Variants in OTOGL observed in about 807,000 individuals in gnomAD.
OTOGL encodes the protein otogelin-like protein.
OTOGL carries 285 observed loss-of-function variants against 318.5 expected under a neutral mutation model. The ratio of observed to expected loss-of-function variants is 0.89; its 90% CI spans 0.81 to 0.99. The LOEUF (loss-of-function observed/expected upper bound fraction) is 0.99. OTOGL is among the 50% of genes least tolerant of loss of function. The pLI, the probability that OTOGL is intolerant of heterozygous loss-of-function variation, is 0.00. For synonymous variants in OTOGL, 987 were observed against 936.5 expected (o/e 1.05, Z -0.99); for missense variants, 2,899 against 2,845.6 (o/e 1.02, Z -0.43).
intron 24 of OTOGL, among the ~76,000 whole-genome samples, chr12:80,277,395 C>T (rs1039415514): frequency 6.8e-6 from 1 of 146,914 alleles, no homozygotes; most frequent in Non-Finnish European, 1.5e-5. Context: ...ATCTTCATAT[C>T]AAATATTTAG....
rs375413419 is a variant in OTOGL at position 80,133,105 on chromosome 12, ACTT to A, written c.-20+33507_-20+33509del. On this transcript the variant is annotated intron_variant, in intron 1 of 58. Coordinates refer to ENST00000547103, the MANE Select transcript of OTOGL (RefSeq NM_001378609.3). ...TTAATTGCCAAGATTAGGTCTAGTT[ACTT>A]CTTCTTGTTATCTTTAAGGAAAACA... Among the ~76,000 whole-genome samples the A allele has an allele frequency of 6.4e-3, 976 of 152,316 alleles. 14 individuals are homozygous for A. Among genetic ancestry groups the A allele is most frequent in the African/African-American group, 0.021 (858 of 41,560 alleles).
At chr12:80,349,646 A>G (rs1479202546) in intron 44 of OTOGL, among the ~76,000 whole-genome samples, 1 of 152,174 alleles carries the variant, frequency 6.6e-6, no homozygotes, top group African/African-American at 2.4e-5. Flanking sequence ...TAGAATATCA[A>G]TTTCATTGCA....
At chr12:80,357,015 C>A in intron 49 of OTOGL, 101 bp downstream of exon 49, 1 of 598,202 alleles carries the variant, frequency 1.7e-6, no homozygotes, top group Non-Finnish European at 2.7e-6. Flanking sequence ...AAGCAATATT[C>A]TGATGTTATA....
At chr12:80,135,280 C>CTCCCCTCCCCTCCCCTTCCT (rs1871491686) in intron 1 of OTOGL, among the ~76,000 whole-genome samples, 1 of 135,850 alleles carries the variant, frequency 7.4e-6, no homozygotes, top group Non-Finnish European at 1.6e-5. Flanking sequence ...CTCCCCTCCC[C>CTCCCCTCCCCTCCCCTTCCT]TTCCCTTCCC....
chr12:80,374,053 A>G (rs1262389719), intron 57 of OTOGL, among the ~76,000 whole-genome samples: 2 of 152,188 alleles, frequency 1.3e-5, no homozygotes, highest in Non-Finnish European at 2.9e-5. Flanking sequence ...TTGTTATGAT[A>G]TTAGTTTGCA....
intron 12 of OTOGL, 25 bp downstream of exon 12, chr12:80,251,824 C>A: frequency 1.3e-6 from 2 of 1,542,220 alleles, no homozygotes; most frequent in Non-Finnish European, 1.8e-6. Flanking sequence ...TTTCCAAGCC[C>A]TGTGTACTTT....
intron 1 of OTOGL, among the ~76,000 whole-genome samples, chr12:80,159,012 T>C (rs933817143): frequency 3.9e-4 from 59 of 152,178 alleles, no homozygotes; most frequent in Non-Finnish European, 1.0e-4. Flanking sequence ...GTCTCTTTTA[T>C]GCTGATTTTG....
chr12:80,335,441 CTTAT>C (rs1029244244), intron 38 of OTOGL, among the ~76,000 whole-genome samples: 3 of 151,952 alleles, frequency 2.0e-5, no homozygotes, highest in African/African-American at 4.8e-5. Context: ...AAATCTACCA[CTTAT>C]TTATTTATTA....
At chr12:80,268,078 A>C (rs1467777316) in intron 22 of OTOGL, among the ~76,000 whole-genome samples, 1 of 152,120 alleles carries the variant, frequency 6.6e-6, no homozygotes, top group Non-Finnish European at 1.5e-5. Flanking sequence ...TAATCATAGG[A>C]TAACACTCAT....
Position 80,328,319 on chromosome 12 carries a change from AAACAACAAC to A in OTOGL, c.4200-320_4200-312del, listed in dbSNP as rs3045899. ...GGGTGACAGAGTGAGACCCTGTCAC[AAACAACAAC>A]AACAACAACAACAACAACAACAACA... is the stretch of plus-strand genomic sequence containing the variant. On this transcript the variant is annotated intron_variant, in intron 35 of 58. Transcript: ENST00000547103. Among the ~76,000 whole-genome samples the A allele has an allele frequency of 1.0e-4, 15 of 148,860 alleles. No homozygotes were observed. In the South Asian group the frequency reaches 1.1e-3, roughly 11 times the overall value.
At chr12:80,215,166 C>CT (rs34875604) in intron 4 of OTOGL, among the ~76,000 whole-genome samples, 4,035 of 129,014 alleles carry the variant, frequency 0.031, 171 homozygotes, top group African/African-American at 0.094. Flanking sequence ...GTTTACAAGT[C>CT]TTTTTTTTTT....
At chr12:80,145,552 G>A (rs930300368) in intron 1 of OTOGL, among the ~76,000 whole-genome samples, 2 of 151,506 alleles carry the variant, frequency 1.3e-5, no homozygotes, top group African/African-American at 4.9e-5. Flanking sequence ...CTCTTTTTTG[G>A]TGCCATATGA....
chr12:80,358,699 A>G lies in OTOGL; in HGVS notation c.6150A>G (p.Pro2050=), dbSNP rs751382763. The G allele has an allele frequency of 1.3e-5, 21 of 1,612,916 alleles. No homozygotes were observed. In the South Asian group the frequency reaches 2.2e-4, roughly 17 times the overall value. The change falls in exon 51 of 59, where the codon CCA becomes CCG. Residue 2050 remains proline, a synonymous_variant. Coordinates refer to ENST00000547103, the MANE Select transcript of OTOGL (RefSeq NM_001378609.3). ...GTGAACCAAACCTTTGTCCTATGCC[A>G]TTACTCAACTGTGCAGAAGATATGA... ...CVCEPNLCPM[P]LLNCAEDMNL... is the part of the protein sequence containing the mutation.
At chr12:80,339,335 A>G (rs1185035343) in intron 43 of OTOGL, 71 bp downstream of exon 43, 34 of 1,228,966 alleles carry the variant, frequency 2.8e-5, no homozygotes, top group Non-Finnish European at 3.5e-5. Flanking sequence ...TATTCACGCT[A>G]TGCCATTTTG....
intron 37 of OTOGL, among the ~76,000 whole-genome samples, chr12:80,329,465 A>G (rs1034101434): frequency 1.3e-4 from 20 of 152,214 alleles, no homozygotes; most frequent in African/African-American, 4.6e-4. Context: ...CTTCCCTCAC[A>G]TCTAAAAACC....
At chr12:80,263,396 T>A (rs1882702871) in intron 19 of OTOGL, among the ~76,000 whole-genome samples, 2 of 152,172 alleles carry the variant, frequency 1.3e-5, no homozygotes, top group Non-Finnish European at 2.9e-5. Flanking sequence ...AAATTCAGTT[T>A]CCCTGTGGTC....
intron 29 of OTOGL, among the ~76,000 whole-genome samples, chr12:80,306,772 CTT>C (rs11354571): frequency 0.061 from 8,904 of 144,858 alleles, 291 homozygotes; most frequent in South Asian, 0.12. Context: ...GTAACTATTT[CTT>C]TTTTTTTTTT....
chr12:80,237,985 AAG>A (rs1484840372), intron 9 of OTOGL, among the ~76,000 whole-genome samples: 2 of 152,154 alleles, frequency 1.3e-5, no homozygotes, highest in Non-Finnish European at 1.5e-5. Flanking sequence ...TGATTTTGCC[AAG>A]TCTTTGAGCT....
intron 23 of OTOGL, among the ~76,000 whole-genome samples, chr12:80,270,999 C>A (rs1883366182): frequency 6.6e-6 from 1 of 152,072 alleles, no homozygotes; most frequent in Admixed American, 6.6e-5. Flanking sequence ...ATTACATGCC[C>A]TGAATTTACT....
Sources: allele counts gnomAD v4.1 joint callset (sites outside exome capture counted in the v4.1 genomes callset), GRCh38; gene constraint gnomAD v4.1.1; transcripts MANE v1.5; gene names NCBI Gene and HGNC (gene_info 2026-07-23, HGNC 2026-07-21).